Variants in UBE2U observed in about 807,000 individuals in gnomAD.
UBE2U encodes ubiquitin conjugating enzyme E2 U.
UBE2U carries 39 observed loss-of-function variants against 41.2 expected under a neutral mutation model. The observed-to-expected ratio is 0.95, with a 90% confidence interval of 0.73 to 1.24. The LOEUF (loss-of-function observed/expected upper bound fraction) is 1.24. UBE2U is among the 50% of genes most tolerant of loss of function. The pLI is 0.00. For synonymous variants in UBE2U, 107 were observed against 117.8 expected (o/e 0.91, Z 0.60); for missense variants, 336 against 363.1 (o/e 0.93, Z 0.61).
intron 3 of UBE2U, among the ~76,000 whole-genome samples, chr1:64,209,254 T>C (rs559787824): frequency 5.3e-5 from 8 of 152,168 alleles, no homozygotes; most frequent in Non-Finnish European, 1.0e-4. Flanking sequence ...TCCCTCCCAC[T>C]TCCATAAAGT....
At chr1:64,218,866 A>G (rs1652213341) in intron 5 of UBE2U, among the ~76,000 whole-genome samples, 1 of 152,284 alleles carries the variant, frequency 6.6e-6, no homozygotes. Flanking sequence ...AAACTTTCTG[A>G]CAAAGCTATA....
At chr1:64,249,075 T>C (rs990054453) in intron 8 of UBE2U, among the ~76,000 whole-genome samples, 4 of 152,060 alleles carry the variant, frequency 2.6e-5, no homozygotes, top group African/African-American at 9.7e-5. Context: ...AGCAACCCAT[T>C]GAAAAATCAC....
chr1:64,258,692 G>A (rs1645135839), intron 8 of UBE2U, among the ~76,000 whole-genome samples: 2 of 152,292 alleles, frequency 1.3e-5, no homozygotes, highest in East Asian at 3.9e-4. Flanking sequence ...TGGTATATAT[G>A]TGCCACATTT....
chr1:64,258,542 G>A lies in UBE2U; in HGVS notation c.678-2061G>A, dbSNP rs556523237. Among the ~76,000 whole-genome samples the A allele has an allele frequency of 4.7e-5, 7 of 147,752 alleles. No homozygotes were observed. In the South Asian group the frequency reaches 1.5e-3, roughly 31 times the overall value. On this transcript the variant is annotated intron_variant, in intron 8 of 9. Coordinates refer to ENST00000371077, the MANE Select transcript of UBE2U (RefSeq NM_001366232.2). Reference sequence around the variant, plus strand: ...CGTGTCCAGTTGTTCTCATTGTTCAGTTCCCAGCTATGAGTGAGAACATGC... The same window carrying A: ...CGTGTCCAGTTGTTCTCATTGTTCAATTCCCAGCTATGAGTGAGAACATGC...
At chr1:64,231,485 G>A (rs546218579) in intron 6 of UBE2U, among the ~76,000 whole-genome samples, 4 of 152,242 alleles carry the variant, frequency 2.6e-5, no homozygotes, top group East Asian at 3.9e-4. Flanking sequence ...CACAGCATGC[G>A]GCTCTGGAAG....
chr1:64,249,506 A>G (rs1250516413), intron 8 of UBE2U, among the ~76,000 whole-genome samples: 1 of 152,008 alleles, frequency 6.6e-6, no homozygotes, highest in Non-Finnish European at 1.5e-5. Context: ...ACAGATACAG[A>G]CTTTAAAGCA....
At position 64,244,249 on chromosome 1, in the gene UBE2U, C is replaced by A. The variant is rs558368992; in HGVS notation, c.677+2516C>A. 42 of 1,410,956 alleles carry A rather than the reference C, an allele frequency of 3.0e-5. No homozygotes were observed. The South Asian group carries it at 6.7e-4, about 22-fold the overall frequency. 87.4% of individuals were successfully genotyped at this position (1,410,956 alleles called of 1,614,324 possible). A position where few individuals can be genotyped will look rare whatever the true frequency, so the allele number is the denominator to read the frequency against. ...TTTTTTATCTGTTAAATGGAGATAA[C>A]CTTACCTATCTTGCAAAGTTGTTTT... is the stretch of plus-strand genomic sequence containing the variant. On this transcript the variant is annotated intron_variant, in intron 8 of 9. Transcript: ENST00000371077.
chr1:64,224,059 T>C (rs1652683492), intron 6 of UBE2U, among the ~76,000 whole-genome samples: 1 of 152,012 alleles, frequency 6.6e-6, no homozygotes, highest in African/African-American at 2.4e-5. Flanking sequence ...TGAGAGGAGA[T>C]GAAAATGAAA....
intron 8 of UBE2U, among the ~76,000 whole-genome samples, chr1:64,248,714 T>C (rs1182665733): frequency 6.6e-6 from 1 of 152,192 alleles, no homozygotes; most frequent in African/African-American, 2.4e-5. Flanking sequence ...GAAATACTGC[T>C]TATACAATTT....
Position 64,266,990 on chromosome 1 carries a change from A to G in UBE2U, c.770-34A>G, listed in dbSNP as rs1362475321. On this transcript the variant is annotated intron_variant, in intron 9 of 9. Coordinates refer to ENST00000371077, the MANE Select transcript of UBE2U (RefSeq NM_001366232.2). ...TTTTATTGTTTTTCTTATTATGTCT[A>G]TTAAATTTCTATTTTTTATAATTCC... 10 of 1,516,366 alleles carry G rather than the reference A, an allele frequency of 6.6e-6. No individual in the cohort carries two copies. The East Asian group carries it at 2.5e-4, about 37-fold the overall frequency. 93.9% of individuals were successfully genotyped at this position (1,516,366 alleles called of 1,614,324 possible).
chr1:64,207,656 T>A (rs1273728962), intron 3 of UBE2U, among the ~76,000 whole-genome samples: 2 of 152,190 alleles, frequency 1.3e-5, no homozygotes, highest in Non-Finnish European at 2.9e-5. Flanking sequence ...CTTAAAGTTA[T>A]ACACAAAACC....
chr1:64,220,241 GGAGAGAGAGAGA>G (rs3074174), intron 5 of UBE2U, among the ~76,000 whole-genome samples: 1 of 149,106 alleles, frequency 6.7e-6, no homozygotes, highest in East Asian at 2.0e-4. Flanking sequence ...CCAGGCTTGT[GGAGAGAGAGAGA>G]GAGAGAGAGA....
intron 8 of UBE2U, among the ~76,000 whole-genome samples, chr1:64,247,941 A>C (rs113594539): frequency 6.6e-6 from 1 of 151,272 alleles, no homozygotes; most frequent in African/African-American, 2.4e-5. Flanking sequence ...ACCTCTGCAC[A>C]CACCGGCTCC....
chr1:64,211,470 T>C (rs1034957088), intron 4 of UBE2U, among the ~76,000 whole-genome samples: 3 of 152,194 alleles, frequency 2.0e-5, no homozygotes, highest in African/African-American at 7.2e-5. Flanking sequence ...GACAGGATCT[T>C]GCTCTGTCAC....
chr1:64,257,280 T>C (rs1367379893), intron 8 of UBE2U, among the ~76,000 whole-genome samples: 8 of 152,194 alleles, frequency 5.3e-5, no homozygotes, highest in Admixed American at 5.2e-4. Flanking sequence ...CAAAGGAATA[T>C]AAATCATTCT....
At chr1:64,228,733 A>C (rs1311188322) in intron 6 of UBE2U, among the ~76,000 whole-genome samples, 17 of 122,670 alleles carry the variant, frequency 1.4e-4, no homozygotes, top group East Asian at 9.6e-4. Context: ...TCTGTCGCCC[A>C]GGTTGGAGTG....
At chr1:64,207,133 G>T (rs1412730533) in intron 3 of UBE2U, among the ~76,000 whole-genome samples, 3 of 151,944 alleles carry the variant, frequency 2.0e-5, no homozygotes, top group African/African-American at 7.3e-5. Flanking sequence ...TTTGCCTCTA[G>T]GTTTTTGATT....
intron 8 of UBE2U, among the ~76,000 whole-genome samples, chr1:64,252,393 A>T (rs1320438985): frequency 6.6e-6 from 1 of 152,160 alleles, no homozygotes; most frequent in Non-Finnish European, 1.5e-5. Context: ...CTTCTCTACT[A>T]AAAAGCAGCC....
chr1:64,227,869 CA>C, intron 6 of UBE2U, among the ~76,000 whole-genome samples: 1 of 151,782 alleles, frequency 6.6e-6, no homozygotes, highest in Middle Eastern at 3.4e-3. Flanking sequence ...GAAACATGTA[CA>C]AGACATGTAT....
Sources: gnomAD v4.1 joint callset for allele counts (sites outside exome capture counted in the v4.1 genomes callset) on GRCh38, gnomAD v4.1.1 for gene constraint, MANE v1.5 for transcripts, NCBI Gene and HGNC (gene_info 2026-07-23, HGNC 2026-07-21) for gene names.